ACTR3C: variants seen among roughly 807,000 people sequenced by gnomAD.
The protein encoded by ACTR3C is actin related protein 3C.
In ACTR3C, 18 loss-of-function variants were observed where a neutral mutation model predicts 26.3. The ratio of observed to expected loss-of-function variants is 0.68; its 90% CI spans 0.47 to 1.01. The LOEUF is 1.01. ACTR3C is among the 50% of genes least tolerant of loss of function. The probability of loss-of-function intolerance (pLI) is 0.00; values close to 1 mark genes in which losing one functional copy is unlikely to be tolerated. For missense variants in ACTR3C, 184 were observed against 250.7 expected (o/e 0.73, Z 1.80); for synonymous variants, 55 against 94.5 (o/e 0.58, Z 2.42).
chr7:149,972,886 G>GAGCAGACAGCA, the ACTR3C span, among the ~76,000 whole-genome samples: 1 of 151,950 alleles, frequency 6.6e-6, no homozygotes, highest in African/African-American at 2.4e-5. Context: ...TAAGCCCCGT[G>GAGCAGACAGCA]CGTGGGCGGC....
chr7:150,279,913 C>T (rs1028826234), intron 6 of ACTR3C, among the ~76,000 whole-genome samples: 4 of 152,168 alleles, frequency 2.6e-5, no homozygotes, highest in South Asian at 2.1e-4. Context: ...CGAATCATCT[C>T]GTACATACTT....
At chr7:150,289,791 A>T (rs1372922531) in intron 3 of ACTR3C, among the ~76,000 whole-genome samples, 198 bp from the exon 4 acceptor site, 2 of 152,224 alleles carry the variant, frequency 1.3e-5, no homozygotes, top group East Asian at 3.9e-4. Context: ...ATTAATATTC[A>T]AAATTCCAGA....
At chr7:150,063,448 TCTCCCATGTGC>T in the ACTR3C span, among the ~76,000 whole-genome samples, 1 of 151,274 alleles carries the variant, frequency 6.6e-6, no homozygotes, top group African/African-American at 2.5e-5. Flanking sequence ...TGAACTCTTT[TCTCCCATGTGC>T]CTCCCAGGGT....
At chr7:149,930,900 C>G in the ACTR3C span, among the ~76,000 whole-genome samples, 2 of 152,188 alleles carry the variant, frequency 1.3e-5, no homozygotes, top group African/African-American at 4.8e-5. Flanking sequence ...GAATCTCACT[C>G]TGTCGCTCAG....
chr7:149,931,745 G>A, the ACTR3C span, among the ~76,000 whole-genome samples: 2 of 152,152 alleles, frequency 1.3e-5, no homozygotes, highest in African/African-American at 4.8e-5. Flanking sequence ...TTCTGGGGGT[G>A]CCAACAGCAG....
chr7:150,147,423 A>T, the ACTR3C span, among the ~76,000 whole-genome samples: 2 of 152,208 alleles, frequency 1.3e-5, no homozygotes, highest in Non-Finnish European at 1.5e-5. Context: ...AATACTGATC[A>T]AACTACATTT....
At chr7:150,068,528 A>C in the ACTR3C span, among the ~76,000 whole-genome samples, 2 of 151,858 alleles carry the variant, frequency 1.3e-5, no homozygotes, top group African/African-American at 2.4e-5. Flanking sequence ...TAATCCCAGC[A>C]CTTTGGGAGG....
At chr7:149,917,311 G>A in the ACTR3C span, among the ~76,000 whole-genome samples, 1 of 152,142 alleles carries the variant, frequency 6.6e-6, no homozygotes, top group South Asian at 2.1e-4. Flanking sequence ...CCAACCTTAG[G>A]TGATCTGCCC....
chr7:150,125,067 C>A, the ACTR3C span, among the ~76,000 whole-genome samples: 89 of 152,206 alleles, frequency 5.8e-4, no homozygotes, highest in African/African-American at 2.1e-3. Context: ...GTCATATTTT[C>A]CTTTTTCTTG....
the ACTR3C span, among the ~76,000 whole-genome samples, chr7:150,088,445 G>T: frequency 6.6e-6 from 1 of 152,118 alleles, no homozygotes; most frequent in Admixed American, 6.5e-5. Flanking sequence ...AAAAATGAAA[G>T]ACAGCAAAAA....
the ACTR3C span, among the ~76,000 whole-genome samples, chr7:150,221,274 T>C: frequency 9.9e-5 from 15 of 150,994 alleles, no homozygotes; most frequent in South Asian, 1.7e-3. Flanking sequence ...AAGAGTTTTT[T>C]TTTCTTTCTT....
the ACTR3C span, among the ~76,000 whole-genome samples, chr7:149,923,550 A>G: frequency 6.6e-6 from 1 of 152,216 alleles, no homozygotes. Context: ...TCTAGTGAAG[A>G]GACAAGTTAT....
At chr7:150,172,349 C>A in the ACTR3C span, among the ~76,000 whole-genome samples, 2 of 150,356 alleles carry the variant, frequency 1.3e-5, no homozygotes, top group Non-Finnish European at 2.9e-5. Context: ...TACGTGATGG[C>A]GGCGAGAGAA....
At chr7:150,035,846 C>T in the ACTR3C span, among the ~76,000 whole-genome samples, 1 of 134,884 alleles carries the variant, frequency 7.4e-6, no homozygotes, top group Non-Finnish European at 1.7e-5. Flanking sequence ...TTGCCTCTCC[C>T]CCCCTGCGAT....
the ACTR3C span, among the ~76,000 whole-genome samples, chr7:149,922,853 A>G: frequency 6.6e-6 from 1 of 151,758 alleles, no homozygotes; most frequent in Non-Finnish European, 1.5e-5. Flanking sequence ...TAAGGGGAAG[A>G]GTATAGTAAT....
At chr7:150,002,849 C>A in the ACTR3C span, 1 of 152,114 alleles carries the variant, frequency 6.6e-6, no homozygotes, top group Non-Finnish European at 1.5e-5. Flanking sequence ...CACCCTTGGC[C>A]CAAACATGAA....
chr7:150,321,585 C>A (rs1797519667), intron 1 of ACTR3C, among the ~76,000 whole-genome samples: 1 of 152,050 alleles, frequency 6.6e-6, no homozygotes, highest in African/African-American at 2.4e-5. Context: ...ACTAAAAATA[C>A]AAAAATTAGC....
chr7:150,057,429 C>A, the ACTR3C span, among the ~76,000 whole-genome samples: 1 of 151,982 alleles, frequency 6.6e-6, no homozygotes, highest in Admixed American at 6.6e-5. Flanking sequence ...TACAGGCATG[C>A]GCCACCAGAG....
At chr7:150,070,135 T>A in the ACTR3C span, among the ~76,000 whole-genome samples, 1 of 152,186 alleles carries the variant, frequency 6.6e-6, no homozygotes, top group African/African-American at 2.4e-5. Flanking sequence ...CAGGAAGCAC[T>A]GTTATGATGC....
Sources: gnomAD v4.1 joint callset for allele counts (sites outside exome capture counted in the v4.1 genomes callset) on GRCh38, gnomAD v4.1.1 for gene constraint, MANE v1.5 for transcripts, NCBI Gene and HGNC (gene_info 2026-07-23, HGNC 2026-07-21) for gene names.